The following ANTXR1 variants were observed in gnomAD, a reference collection of about 807,000 sequenced individuals.
The protein encoded by ANTXR1 is ANTXR cell adhesion molecule 1.
Under a neutral mutation model 78.1 loss-of-function variants are expected in ANTXR1, and 19 were observed. The ratio of observed to expected loss-of-function variants is 0.24; its 90% CI spans 0.17 to 0.36. The LOEUF is 0.36. ANTXR1 is among the 10% of genes least tolerant of loss of function. The probability of loss-of-function intolerance (pLI) is 1.00; values close to 1 mark genes in which losing one functional copy is unlikely to be tolerated. For synonymous variants in ANTXR1, 273 were observed against 260.5 expected (o/e 1.05, Z -0.46); for missense variants, 518 against 718.6 (o/e 0.72, Z 3.19).
At chr2:69,086,501 G>T (rs4854544) in intron 8 of ANTXR1, among the ~76,000 whole-genome samples, 132,810 of 152,284 alleles carry the variant, frequency 0.87, 58,074 homozygotes, top group East Asian at 0.98. Context: ...AACAACACAT[G>T]ACAATTATTT....
At chr2:69,113,598 T>A (rs578068610) in intron 10 of ANTXR1, among the ~76,000 whole-genome samples, 71 of 152,246 alleles carry the variant, frequency 4.7e-4, no homozygotes, top group Non-Finnish European at 7.2e-4. Flanking sequence ...CTCCTCTGAG[T>A]TTCTCTGTAA....
chr2:69,245,274 A>C lies in ANTXR1; in HGVS notation c.1484A>C (p.Tyr495Ser), dbSNP rs1574001967. The stretch of plus-strand genomic sequence containing the variant: ...GTCAAGAACAACCAGCCAGCCAAGT[A>C]CCCACTCAACAACGCCTACCACACC... ...TRVKNNQPAKYPLNNAYHTSS... is the reference protein window; with the variant it reads ...TRVKNNQPAKSPLNNAYHTSS... Residue 495 changes from tyrosine to serine, a missense_variant, in exon 18 of 18, where the codon TAC becomes TCC. Tyr to Ser is a moderately radical substitution (Grantham distance 144, BLOSUM62 -2). This residue lies in a region of ANTXR1 where 192 missense variants were observed against 230.2 expected (regional missense o/e 0.83). Coordinates refer to ENST00000303714, the MANE Select transcript of ANTXR1 (RefSeq NM_032208.3). 1 of 1,613,566 alleles carries C rather than the reference A, an allele frequency of 6.2e-7. No individual in the cohort carries two copies. The highest frequency in any genetic ancestry group is 1.1e-5 in the South Asian group (1 of 91,028).
chr2:69,244,574 G>C (rs1675969025), intron 17 of ANTXR1, among the ~76,000 whole-genome samples: 2 of 152,172 alleles, frequency 1.3e-5, no homozygotes, highest in African/African-American at 4.8e-5. Flanking sequence ...GTTTGAGGGG[G>C]CACAGACGAG....
intron 10 of ANTXR1, among the ~76,000 whole-genome samples, chr2:69,110,801 G>A (rs1041080504): frequency 2.0e-5 from 3 of 152,160 alleles, no homozygotes; most frequent in African/African-American, 7.2e-5. Context: ...GGCAGAGCTT[G>A]CAGTGAGCCA....
At chr2:69,087,431 G>A (rs1383574631) in intron 8 of ANTXR1, among the ~76,000 whole-genome samples, 1 of 152,148 alleles carries the variant, frequency 6.6e-6, no homozygotes, top group Admixed American at 6.5e-5. Context: ...TGAGTGAGTT[G>A]ACCTCAGCTA....
chr2:69,182,030 C>G (rs1157473760), intron 15 of ANTXR1, 149 bp downstream of exon 15: 1 of 782,708 alleles, frequency 1.3e-6, no homozygotes, highest in Non-Finnish European at 2.2e-6. Context: ...TGTCAGAAAC[C>G]CAAAGCAAAT....
chr2:69,191,613 C>T (rs1436209400), intron 16 of ANTXR1, among the ~76,000 whole-genome samples: 2 of 152,214 alleles, frequency 1.3e-5, no homozygotes, highest in African/African-American at 4.8e-5. Context: ...TAATGCTTAT[C>T]CTCACCATGT....
intron 17 of ANTXR1, among the ~76,000 whole-genome samples, chr2:69,218,538 C>T (rs963655837): frequency 4.6e-5 from 7 of 152,116 alleles, no homozygotes; most frequent in South Asian, 2.1e-4. Flanking sequence ...TGGACAGTGA[C>T]GTGGGTAGGT....
intron 8 of ANTXR1, among the ~76,000 whole-genome samples, chr2:69,081,642 C>T (rs1670904842): frequency 1.3e-5 from 2 of 152,134 alleles, no homozygotes; most frequent in Non-Finnish European, 1.5e-5. Flanking sequence ...ATTCCTATTC[C>T]AATGTTACAG....
At chr2:69,145,727 C>T in intron 12 of ANTXR1, 7 of 1,059,986 alleles carry the variant, frequency 6.6e-6, no homozygotes, top group Non-Finnish European at 8.0e-6. Flanking sequence ...TAATTCCTCT[C>T]CATTCTATCC....
chr2:69,140,473 T>A (rs1673040240), intron 12 of ANTXR1, among the ~76,000 whole-genome samples: 1 of 152,170 alleles, frequency 6.6e-6, no homozygotes. Flanking sequence ...ACATCCTCAG[T>A]AGGGGATTAG....
At chr2:69,139,445 G>T (rs1673008657) in intron 12 of ANTXR1, among the ~76,000 whole-genome samples, 1 of 152,244 alleles carries the variant, frequency 6.6e-6, no homozygotes, top group Non-Finnish European at 1.5e-5. Context: ...AGGGTTAGAA[G>T]TTGATGTCTA....
intron 10 of ANTXR1, among the ~76,000 whole-genome samples, chr2:69,105,688 C>T (rs942244200): frequency 2.0e-5 from 3 of 152,202 alleles, no homozygotes; most frequent in African/African-American, 7.2e-5. Flanking sequence ...CCTTCCCCAC[C>T]TCTATACCCC....
intron 17 of ANTXR1, among the ~76,000 whole-genome samples, chr2:69,202,435 C>T (rs1674795154): frequency 1.3e-5 from 2 of 152,216 alleles, no homozygotes; most frequent in Admixed American, 1.3e-4. Context: ...CAAAGCTTAA[C>T]AAACAATGGG....
chr2:69,245,693 C>A lies in ANTXR1; in HGVS notation c.*208C>A. 1.5e-6 allele frequency: 1 copy of A among 654,876 alleles called. No individual in the cohort carries two copies. The allele number at this position is 654,876 out of a possible 1,614,324, so 40.6% of individuals were successfully genotyped here. On this transcript the variant is annotated 3_prime_UTR_variant, in exon 18 of 18. Coordinates refer to ENST00000303714, the MANE Select transcript of ANTXR1 (RefSeq NM_032208.3). ...CAGAAAACAAATGATGAGGCAACTA[C>A]AGTCAGATTTATAGCCAGCCATCTA...
chr2:69,023,102 T>C (rs13420940), intron 1 of ANTXR1, among the ~76,000 whole-genome samples: 57,790 of 152,208 alleles, frequency 0.38, 16,487 homozygotes, highest in African/African-American at 0.77. Flanking sequence ...ATCAGCTCAA[T>C]GCTTCAGCAA....
At chr2:69,159,515 A>G (rs1456109333) in intron 13 of ANTXR1, among the ~76,000 whole-genome samples, 2 of 151,726 alleles carry the variant, frequency 1.3e-5, no homozygotes, top group African/African-American at 4.9e-5. Flanking sequence ...TTTTATATTA[A>G]GTTCTTTTAA....
intron 17 of ANTXR1, 25 bp from the exon 18 acceptor site, chr2:69,245,200 T>C: frequency 6.2e-7 from 1 of 1,613,750 alleles, no homozygotes; most frequent in East Asian, 2.2e-5. Context: ...CCGCTCACGT[T>C]TCCTTCTCTC....
intron 12 of ANTXR1, among the ~76,000 whole-genome samples, chr2:69,138,784 A>G (rs57383650): frequency 0.07 from 10,677 of 152,300 alleles, 434 homozygotes; most frequent in African/African-American, 0.1. Context: ...TGAATAAGTG[A>G]CAACTGAAAT....
Sources: allele counts gnomAD v4.1 joint callset (sites outside exome capture counted in the v4.1 genomes callset), GRCh38; gene constraint gnomAD v4.1.1; regional missense constraint gnomAD v4.1.1; transcripts MANE v1.5; gene names NCBI Gene and HGNC (gene_info 2026-07-23, HGNC 2026-07-21).